TMF1: variants seen among roughly 807,000 people sequenced by gnomAD.
The protein encoded by TMF1 is TATA element modulatory factor.
TMF1 carries 71 observed loss-of-function variants against 126.5 expected under a neutral mutation model. That is an observed-to-expected ratio of 0.56 (90% CI 0.46 to 0.68). TMF1 has a LOEUF of 0.68. Ranked by LOEUF, TMF1 falls within the 30% of genes least tolerant of loss-of-function variation. The pLI is 0.00. For synonymous variants in TMF1, 461 were observed against 430.5 expected (o/e 1.07, Z -0.88); for missense variants, 1,259 against 1,253.2 (o/e 1.00, Z -0.07).
rs1219415466 is a variant in TMF1, at chr3:69,052,182, C to T, written c.-96G>A. ...GAGGAACGGCTTCGCTCCCCTTTTC[C>T]ACTCGGCTGGTTCTGTCAGCGTGTG... On this transcript the variant is annotated 5_prime_UTR_variant, in exon 1 of 17. Coordinates refer to ENST00000398559, the MANE Select transcript of TMF1 (RefSeq NM_007114.3). 7.3e-7 allele frequency: 1 copy of T among 1,379,182 alleles called. No homozygotes were observed. Among genetic ancestry groups the T allele is most frequent in the Non-Finnish European group, 9.7e-7 (1 of 1,034,052 alleles). The allele number at this position is 1,379,182 out of a possible 1,614,324, so 85.4% of individuals were successfully genotyped here. A position where few individuals can be genotyped will look rare whatever the true frequency, so the allele number is the denominator to read the frequency against.
chr3:69,042,294 TC>T (rs2091870623), intron 5 of TMF1: 1 of 453,724 alleles, frequency 2.2e-6, no homozygotes, highest in African/African-American at 2.0e-5. Flanking sequence ...CACCTCTGCC[TC>T]CCCAAGTGCT....
chr3:69,040,117 A>G (rs2091855428), intron 5 of TMF1, among the ~76,000 whole-genome samples: 1 of 152,186 alleles, frequency 6.6e-6, no homozygotes, highest in Admixed American at 6.5e-5. Context: ...TGAAGAAAGT[A>G]ACAAATTCCC....
Position 69,052,247 on chromosome 3 carries a change from C to A in TMF1, c.-161G>T, listed in dbSNP as rs2091935603. On this transcript the variant is annotated 5_prime_UTR_variant, in exon 1 of 17. Coordinates refer to ENST00000398559, the MANE Select transcript of TMF1 (RefSeq NM_007114.3). ...AGCCTCCCGCGAGCCCGGGATGTTA[C>A]CCTCGGCCGTTCCCGCACAGCTGAG... The A allele has an allele frequency of 4.0e-6, 3 of 748,696 alleles. No homozygotes were observed. Among genetic ancestry groups the A allele is most frequent in the South Asian group, 4.1e-5 (2 of 48,668 alleles). The allele number at this position is 748,696 out of a possible 1,614,324, so 46.4% of individuals were successfully genotyped here. A position where few individuals can be genotyped will look rare whatever the true frequency, so the allele number is the denominator to read the frequency against.
At chr3:69,037,194 C>G (rs2091836611) in intron 8 of TMF1, among the ~76,000 whole-genome samples, 1 of 152,174 alleles carries the variant, frequency 6.6e-6, no homozygotes, top group Non-Finnish European at 1.5e-5. Context: ...CATCATTAGT[C>G]ATTAAGAGAA....
Position 69,042,644 on chromosome 3 carries a change from T to C in TMF1, c.1684+163A>G, listed in dbSNP as rs1325321843. 7.0e-6 allele frequency: 5 copies of C among 710,188 alleles called. No individual in the cohort carries two copies. In the South Asian group the frequency reaches 7.5e-5, roughly 11 times the overall value. 44.0% of individuals were successfully genotyped at this position (710,188 alleles called of 1,614,324 possible). On this transcript the variant is annotated intron_variant, in intron 5 of 16. Coordinates refer to ENST00000398559, the MANE Select transcript of TMF1 (RefSeq NM_007114.3). Reference sequence around the variant, plus strand: ...AAACACGTATCTCTGTCTCAATATATCTTATTCCTCATTCTTCCATAAACT... The same window carrying C: ...AAACACGTATCTCTGTCTCAATATACCTTATTCCTCATTCTTCCATAAACT...
chr3:69,025,773 A>AG, intron 14 of TMF1, 61 bp from the exon 15 acceptor site: 1 of 1,539,190 alleles, frequency 6.5e-7, no homozygotes, highest in South Asian at 1.2e-5. Flanking sequence ...TTCCATTACC[A>AG]GGTTCGAACA....
intron 15 of TMF1, 72 bp from the exon 16 acceptor site, chr3:69,024,252 A>T: frequency 4.8e-6 from 6 of 1,250,092 alleles, no homozygotes; most frequent in Non-Finnish European, 5.4e-6. Context: ...ATATAAAAAT[A>T]TTTAATGTGT....
At chr3:69,051,906 G>A in intron 1 of TMF1, 39 bp downstream of exon 1, 2 of 1,604,044 alleles carry the variant, frequency 1.2e-6, no homozygotes, top group Non-Finnish European at 1.7e-6. Context: ...GAGAACAGCA[G>A]CCTCCGGGAG....
intron 8 of TMF1, among the ~76,000 whole-genome samples, chr3:69,037,043 T>G (rs2091835725): frequency 6.6e-6 from 1 of 152,044 alleles, no homozygotes; most frequent in Non-Finnish European, 1.5e-5. Flanking sequence ...AGGTCTAGTA[T>G]GCAGATTATA....
At chr3:69,025,486 T>C in intron 15 of TMF1, 74 bp downstream of exon 15, 2 of 1,389,312 alleles carry the variant, frequency 1.4e-6, no homozygotes, top group Non-Finnish European at 9.8e-7. Flanking sequence ...AGAATTCAGA[T>C]GGAAATGAAG....
chr3:69,029,044 T>TG (rs1338135887), intron 11 of TMF1, among the ~76,000 whole-genome samples: 2 of 149,002 alleles, frequency 1.3e-5, no homozygotes, highest in East Asian at 3.9e-4. Flanking sequence ...CTTTATTTAT[T>TG]TTTTTTTTTT....
intron 6 of TMF1, 152 bp downstream of exon 6, chr3:69,039,399 G>A (rs1474132838): frequency 3.3e-6 from 3 of 900,932 alleles, no homozygotes; most frequent in East Asian, 2.9e-5. Flanking sequence ...ACCCCACTCG[G>A]CTAAAAAATC....
intron 8 of TMF1, 42 bp from the exon 9 acceptor site, chr3:69,035,157 T>TA: frequency 6.6e-7 from 1 of 1,505,602 alleles, no homozygotes. Context: ...AATGGTACAG[T>TA]ATTATCTATA....
chr3:69,029,777 C>T lies in TMF1; in HGVS notation c.2594+38G>A, dbSNP rs372940990. ...TTTTAAAAAGTGCTTTAGGATGTCA[C>T]GGAACTACCAAAAATATCACTCAGA... On this transcript the variant is annotated intron_variant, in intron 11 of 16. Transcript: ENST00000398559. The T allele has an allele frequency of 6.2e-5, 97 of 1,553,694 alleles. No homozygotes were observed. In the African/African-American group the frequency reaches 7.4e-4, roughly 12 times the overall value.
At chr3:69,049,148 G>A (rs904827359) in intron 1 of TMF1, 5 of 152,540 alleles carry the variant, frequency 3.3e-5, no homozygotes, top group African/African-American at 1.2e-4. Context: ...CACTAGAAGA[G>A]TCATTTGAGT....
At chr3:69,044,723 A>G in intron 2 of TMF1, 128 bp from the exon 3 acceptor site, 1 of 555,070 alleles carries the variant, frequency 1.8e-6, no homozygotes, top group South Asian at 2.7e-5. Context: ...CAGTATTAGG[A>G]ACACAGAAGA....
chr3:69,026,938 T>A (rs2107454991), intron 13 of TMF1, among the ~76,000 whole-genome samples: 1 of 152,318 alleles, frequency 6.6e-6, no homozygotes, highest in South Asian at 2.1e-4. Flanking sequence ...AAATATATTA[T>A]GCTAACTCCA....
intron 16 of TMF1, among the ~76,000 whole-genome samples, chr3:69,023,541 A>C (rs1235289970): frequency 6.6e-6 from 1 of 152,064 alleles, no homozygotes; most frequent in African/African-American, 2.4e-5. Flanking sequence ...ATTTTACCCT[A>C]TCTCTCCACT....
Position 69,052,140 on chromosome 3 carries a change from G to C in TMF1, c.-54C>G. ...GCAGCACCAAGCGGGAAGGCCTCAG[G>C]CCTGGGGAAGGGTGCAGAGGAACGG... On this transcript the variant is annotated 5_prime_UTR_variant, in exon 1 of 17. Transcript: ENST00000398559. 6.4e-7 allele frequency: 1 copy of C among 1,567,792 alleles called. No homozygotes were observed. Among genetic ancestry groups the C allele is most frequent in the South Asian group, 1.2e-5 (1 of 86,116 alleles).
Sources: allele counts gnomAD v4.1 joint callset (sites outside exome capture counted in the v4.1 genomes callset), GRCh38; gene constraint gnomAD v4.1.1; transcripts MANE v1.5; gene names NCBI Gene and HGNC (gene_info 2026-07-23, HGNC 2026-07-21).